FSTL4: variants seen among roughly 807,000 people sequenced by gnomAD.
FSTL4 encodes the protein follistatin like 4.
A neutral mutation model predicts 78.2 loss-of-function variants in FSTL4; 28 were observed. That is an observed-to-expected ratio of 0.36 (90% CI 0.27 to 0.49). FSTL4 has a LOEUF of 0.49. Ranked by LOEUF, FSTL4 falls within the 20% of genes least tolerant of loss-of-function variation. The pLI, the probability that FSTL4 is intolerant of heterozygous loss-of-function variation, is 0.98. For synonymous variants in FSTL4, 422 were observed against 440.5 expected, an observed-to-expected ratio of 0.96 and a Z score of 0.53; for missense variants, 922 against 1,084.9, an observed-to-expected ratio of 0.85 and a Z score of 2.11.
intron 3 of FSTL4, among the ~76,000 whole-genome samples, chr5:133,443,736 G>A (rs149234936): frequency 6.6e-6 from 1 of 152,262 alleles, no homozygotes; most frequent in East Asian, 1.9e-4. Flanking sequence ...TGCCCATAGG[G>A]ACCCTCCAGC....
chr5:133,252,519 CA>C (rs1370638591), intron 6 of FSTL4, among the ~76,000 whole-genome samples: 4 of 152,148 alleles, frequency 2.6e-5, no homozygotes, highest in South Asian at 4.1e-4. Context: ...CAGATTTTAA[CA>C]AGCATCCCAA....
intron 6 of FSTL4, among the ~76,000 whole-genome samples, chr5:133,292,978 A>G (rs1448335799): frequency 6.6e-6 from 1 of 152,220 alleles, no homozygotes; most frequent in Non-Finnish European, 1.5e-5. Flanking sequence ...ATGTTGGGTG[A>G]TATTTCTCCT....
rs1446280677 is a variant in FSTL4 at position 133,612,142 on chromosome 5, C to A, written c.-11+183G>T. 6.6e-6 allele frequency among the ~76,000 whole-genome samples: 1 copy of A among 152,012 alleles called. No homozygotes were observed. Among genetic ancestry groups the A allele is most frequent in the Non-Finnish European group, 1.5e-5 (1 of 67,954 alleles). On this transcript the variant is annotated intron_variant, in intron 1 of 15. Transcript: ENST00000265342. The surrounding 1 kb of genome is among the most constrained non-coding windows in gnomAD (Gnocchi z 6.2). ...GAGCCCTGGCCCAGCGGTCCCTTCC[C>A]CGCGGGCAAACTTGGCTTTCCCGGC...
the FSTL4 span, among the ~76,000 whole-genome samples, chr5:133,808,840 A>T: frequency 1.3e-5 from 2 of 151,180 alleles, no homozygotes; most frequent in Non-Finnish European, 2.9e-5. Context: ...TGTACCCTTC[A>T]CTCACTCCCC....
intron 3 of FSTL4, among the ~76,000 whole-genome samples, chr5:133,495,346 C>T (rs986763967): frequency 3.9e-5 from 6 of 152,206 alleles, no homozygotes; most frequent in South Asian, 2.1e-4. Flanking sequence ...AAGGATCCCA[C>T]GATGTGGCAG....
chr5:133,223,048 G>A (rs1237165681), intron 11 of FSTL4, among the ~76,000 whole-genome samples: 1 of 152,174 alleles, frequency 6.6e-6, no homozygotes, highest in Non-Finnish European at 1.5e-5. Flanking sequence ...CATTCCATGG[G>A]GCCTCTTGCA....
chr5:133,785,093 C>G, the FSTL4 span, among the ~76,000 whole-genome samples: 1 of 152,198 alleles, frequency 6.6e-6, no homozygotes, highest in Non-Finnish European at 1.5e-5. Context: ...CCCGACAGGG[C>G]ACACCCAACA....
chr5:133,225,816 G>C lies in FSTL4; in HGVS notation c.1019C>G (p.Pro340Arg), dbSNP rs779767456. Residue 340 changes from proline (P) to arginine (R), a missense_variant, in exon 9 of 16, where the codon CCG (proline) becomes CGG (arginine). Physicochemically the swap from Pro to Arg is moderately radical, Grantham distance 103. Transcript: ENST00000265342. This position sits in a 1 kb window ranked among gnomAD's most constrained non-coding sequence, Gnocchi z 4.6. ...CTCTGGATAGACACGGATGACTGGC[G>C]GCACTGTGGGTGAGAGTCAGTGCTG... ...FQTHVLQVNVPPVIRVYPESQ... is the reference protein window; with the variant it reads ...FQTHVLQVNVRPVIRVYPESQ... The C allele has an allele frequency of 6.4e-7, 1 of 1,573,364 alleles. No homozygotes were observed. Among genetic ancestry groups the C allele is most frequent in the Non-Finnish European group, 8.6e-7 (1 of 1,160,868 alleles).
At chr5:133,265,250 T>G (rs1237715111) in intron 6 of FSTL4, among the ~76,000 whole-genome samples, 1 of 152,124 alleles carries the variant, frequency 6.6e-6, no homozygotes, top group Non-Finnish European at 1.5e-5. Flanking sequence ...CAACTCACAC[T>G]GAGCTGGACA....
intron 3 of FSTL4, among the ~76,000 whole-genome samples, chr5:133,501,514 A>G (rs1194588675): frequency 6.6e-6 from 1 of 152,190 alleles, no homozygotes; most frequent in African/African-American, 2.4e-5. Context: ...GAACAGGTAT[A>G]AACTGAGGTC....
chr5:133,419,250 G>A (rs572391784), intron 3 of FSTL4, among the ~76,000 whole-genome samples: 18 of 152,288 alleles, frequency 1.2e-4, no homozygotes, highest in African/African-American at 4.3e-4. Flanking sequence ...CTCCCGAGTA[G>A]CTGGCACTAC....
the FSTL4 span, among the ~76,000 whole-genome samples, chr5:133,716,383 GAATATATATATATATAT>G: frequency 7.4e-6 from 1 of 134,644 alleles, no homozygotes; most frequent in Non-Finnish European, 1.6e-5. Context: ...GTTTATATAA[GAATATATATATATATAT>G]TCTTATATAA....
intron 2 of FSTL4, among the ~76,000 whole-genome samples, chr5:133,571,048 T>G (rs948027782): frequency 1.3e-5 from 2 of 151,250 alleles, no homozygotes; most frequent in African/African-American, 4.9e-5. Context: ...ATGCCTGAGC[T>G]ACACACATAA....
intron 2 of FSTL4, among the ~76,000 whole-genome samples, chr5:133,602,161 G>A (rs1162481886): frequency 6.6e-6 from 1 of 151,676 alleles, no homozygotes; most frequent in Non-Finnish European, 1.5e-5. Flanking sequence ...TAGGGCAATA[G>A]TTCTTGTGGT....
the FSTL4 span, among the ~76,000 whole-genome samples, chr5:133,828,035 G>C: frequency 6.6e-6 from 1 of 152,160 alleles, no homozygotes; most frequent in South Asian, 2.1e-4. Flanking sequence ...TCCTGTCCCT[G>C]GCGGCAACAT....
the FSTL4 span, among the ~76,000 whole-genome samples, chr5:133,701,723 A>G: frequency 6.6e-6 from 1 of 152,192 alleles, no homozygotes; most frequent in Non-Finnish European, 1.5e-5. Flanking sequence ...TGTAGCAGGA[A>G]CACAAAAAGC....
intron 3 of FSTL4, among the ~76,000 whole-genome samples, chr5:133,452,624 G>A (rs1202330676): frequency 6.6e-6 from 1 of 152,244 alleles, no homozygotes. Context: ...CGTATTAAAT[G>A]TACTGTGTAG....
In FSTL4 at chr5:133,441,058, A is replaced by G. The variant is rs143432336; in HGVS notation, c.161-40072T>C. ...CAGACTCTGAGTAGGAATTGAATGC[A>G]AATATATTGGGAAGTGATATCCTAG... On this transcript the variant is annotated intron_variant, in intron 3 of 15. Coordinates refer to ENST00000265342, the MANE Select transcript of FSTL4 (RefSeq NM_015082.2). Among the ~76,000 whole-genome samples, 222 of 152,246 alleles carry G rather than the reference A, an allele frequency of 1.5e-3. No individual in the cohort carries two copies. The Middle Eastern group carries it at 0.051, about 35-fold the overall frequency.
At chr5:133,652,322 T>C in the FSTL4 span, among the ~76,000 whole-genome samples, 1 of 152,154 alleles carries the variant, frequency 6.6e-6, no homozygotes, top group African/African-American at 2.4e-5. Context: ...ATTTTCTAGT[T>C]TCCCAAGGTG....
Sources: allele counts gnomAD v4.1 joint callset (sites outside exome capture counted in the v4.1 genomes callset), GRCh38; gene constraint gnomAD v4.1.1; non-coding constraint Gnocchi (gnomAD v3.1); transcripts MANE v1.5; gene names NCBI Gene and HGNC (gene_info 2026-07-23, HGNC 2026-07-21).